ATRX: variants seen among roughly 807,000 people sequenced by gnomAD.
ATRX encodes the protein chromatin remodeler ATRX.
ATRX carries 12 observed loss-of-function variants against 172.6 expected under a neutral mutation model. The ratio of observed to expected loss-of-function variants is 0.07; its 90% CI spans 0.04 to 0.11. The LOEUF (loss-of-function observed/expected upper bound fraction) is 0.11. Among genes scored for constraint, ATRX ranks in the 10% least tolerant of loss-of-function variants. The probability of loss-of-function intolerance (pLI) is 1.00; values close to 1 mark genes in which losing one functional copy is unlikely to be tolerated. For synonymous variants in ATRX, 674 were observed against 594.7 expected (o/e 1.13, Z -1.94); for missense variants, 1,368 against 1,767.4 (o/e 0.77, Z 4.05).
chrX:77,701,564 T>G (rs5958900), intron 2 of ATRX, among the ~76,000 whole-genome samples: 5,104 of 110,425 alleles, frequency 0.046, 309 homozygotes, highest in African/African-American at 0.16. Context: ...AAGGAAATTT[T>G]AAAATCTACA....
chrX:77,507,367 A>G lies in ATRX; in HGVS notation c.*984T>C. 5.7e-6 allele frequency: 1 copy of G among 174,279 alleles called. No individual in the cohort carries two copies. Among genetic ancestry groups the G allele is most frequent in the East Asian group, 8.2e-5 (1 of 12,189 alleles). The allele number at this position is 174,279 out of a possible 1,213,427, so 14.4% of individuals were successfully genotyped here. ...ACATTCCTCATGTGAACCTAAAGTC[A>G]GCAATGGTTCTGCCATTTTGATGTT... On this transcript the variant is annotated 3_prime_UTR_variant, in exon 35 of 35. Transcript: ENST00000373344.
At chrX:77,680,719 T>A (rs1032445767) in intron 9 of ATRX, among the ~76,000 whole-genome samples, 3 of 111,053 alleles carry the variant, frequency 2.7e-5, no homozygotes, top group Non-Finnish European at 3.8e-5. Context: ...ATTCTGAGTA[T>A]CCATAGAACT....
Position 77,684,410 on chromosome X carries a change from G to A in ATRX, c.846C>T (p.Ser282=), listed in dbSNP as rs148015780. Residue 282 remains serine, a synonymous_variant, in exon 9 of 35, where the codon AGC becomes AGT. Transcript: ENST00000373344. ...ACAACTGTTCTAAATTCTCAAATAC[G>A]CTGTTACATGCAGTGACCAAGTCCA... The part of the protein sequence containing the change: ...PLLDLVTACN[S]VFENLEQLLQ... The A allele has an allele frequency of 1.4e-3, 1,673 of 1,209,247 alleles. 4 individuals carry two copies. Among genetic ancestry groups the A allele is most frequent in the Non-Finnish European group, 1.7e-3 (1,529 of 894,437 alleles).
At chrX:77,639,155 T>C (rs1277216431) in intron 15 of ATRX, among the ~76,000 whole-genome samples, 2 of 112,265 alleles carry the variant, frequency 1.8e-5, no homozygotes, top group Admixed American at 1.9e-4. Flanking sequence ...CTTCTGAGTA[T>C]GGTTGAGACC....
chrX:77,553,403 T>C (rs944154643), intron 30 of ATRX, among the ~76,000 whole-genome samples: 4 of 111,758 alleles, frequency 3.6e-5, no homozygotes, highest in Admixed American at 2.9e-4. Context: ...TCCTCCACAC[T>C]GATACATAAA....
chrX:77,683,286 G>A lies in ATRX; in HGVS notation c.1970C>T (p.Pro657Leu). 1 of 1,209,431 alleles carries A rather than the reference G, an allele frequency of 8.3e-7. No homozygotes were observed. Among genetic ancestry groups the A allele is most frequent in the South Asian group, 1.8e-5 (1 of 56,918 alleles). Residue 657 changes from proline (P) to leucine (L), a missense_variant, in exon 9 of 35, where the codon CCA becomes CTA. This residue lies in a region of ATRX where 843 missense variants were observed against 643.1 expected (regional missense o/e 1.31). Transcript: ENST00000373344. The stretch of plus-strand genomic sequence containing the variant: ...CCTCAAGGGTGTAGTCTTTACACGT[G>A]GGGATCTTCGAAGATCAGATTCCTC... The part of the protein sequence containing the change: ...LLEESDLRRS[P>L]RVKTTPLRRP...
At chrX:77,763,050 C>A (rs1490486711) in intron 1 of ATRX, among the ~76,000 whole-genome samples, 1 of 111,028 alleles carries the variant, frequency 9.0e-6, no homozygotes, top group African/African-American at 3.3e-5. Context: ...AAGTGTTAAC[C>A]AAATTCAACT....
chrX:77,643,939 A>G (rs1354788865), intron 15 of ATRX, among the ~76,000 whole-genome samples: 4 of 110,389 alleles, frequency 3.6e-5, no homozygotes, highest in African/African-American at 1.3e-4. Flanking sequence ...TAAAAAAAAA[A>G]AGCCTTCTTT....
At chrX:77,623,892 G>T (rs1369197783) in intron 19 of ATRX, among the ~76,000 whole-genome samples, 1 of 111,521 alleles carries the variant, frequency 9.0e-6, no homozygotes, top group Non-Finnish European at 1.9e-5. Flanking sequence ...CGACATACAA[G>T]GGACATATCT....
intron 12 of ATRX, among the ~76,000 whole-genome samples, chrX:77,659,482 TACACA>T (rs1305991420): frequency 4.5e-5 from 4 of 88,467 alleles, no homozygotes; most frequent in African/African-American, 1.2e-4. Context: ...TTTCTCTCTC[TACACA>T]CACACACACA....
intron 30 of ATRX, among the ~76,000 whole-genome samples, chrX:77,524,270 C>T (rs1299569413): frequency 2.7e-5 from 3 of 111,812 alleles, no homozygotes; most frequent in African/African-American, 9.7e-5. Flanking sequence ...CTATAAAAGG[C>T]AAATTAATTC....
chrX:77,518,987 T>C (rs781982981), intron 34 of ATRX, among the ~76,000 whole-genome samples: 1 of 112,075 alleles, frequency 8.9e-6, no homozygotes, highest in South Asian at 3.7e-4. Context: ...TCTTGCCATA[T>C]ACAACATTCA....
chrX:77,579,003 C>T (rs1249888016), intron 27 of ATRX, among the ~76,000 whole-genome samples: 6 of 111,709 alleles, frequency 5.4e-5, no homozygotes, highest in African/African-American at 2.0e-4. Flanking sequence ...GGTACACTGG[C>T]AGTACTCTCT....
chrX:77,638,756 G>A (rs1224822035), intron 15 of ATRX, among the ~76,000 whole-genome samples: 3 of 112,278 alleles, frequency 2.7e-5, no homozygotes, highest in African/African-American at 3.2e-5. Flanking sequence ...TACAAACCAA[G>A]ATTAACGCTG....
At chrX:77,600,253 CAATAA>C (rs781920449) in intron 23 of ATRX, among the ~76,000 whole-genome samples, 176 bp downstream of exon 23, 3 of 111,154 alleles carry the variant, frequency 2.7e-5, no homozygotes, top group South Asian at 3.8e-4. Context: ...AAAATGGGCT[CAATAA>C]AATAACATTT....
rs1557096973 is a variant in ATRX, at chrX:77,616,620, G to A, written c.5559C>T (p.His1853=). The change falls in exon 22 of 35, where the codon CAC becomes CAT. Residue 1853 remains histidine, a synonymous_variant. Coordinates refer to ENST00000373344, the MANE Select transcript of ATRX (RefSeq NM_000489.6). ...ACAAGGTGTATTGTTTACCTGTTAA[G>A]TGATCTAAGTAGTACTGATAGAGCT... ...QCKLYQYYLD[H]LTGVGNNSEG... 6 of 1,179,553 alleles carry A rather than the reference G, an allele frequency of 5.1e-6. No homozygotes were observed. The Middle Eastern group carries it at 7.0e-4, about 138-fold the overall frequency.
chrX:77,567,172 G>T (rs1301894745), intron 28 of ATRX, among the ~76,000 whole-genome samples: 2 of 110,904 alleles, frequency 1.8e-5, no homozygotes, highest in African/African-American at 6.5e-5. Context: ...TAACCCACAG[G>T]AAGGGAGGAA....
chrX:77,775,384 C>CA (rs782571326), intron 1 of ATRX, among the ~76,000 whole-genome samples: 1 of 111,305 alleles, frequency 9.0e-6, no homozygotes, highest in African/African-American at 3.3e-5. Context: ...GTTACAGTTA[C>CA]AAAAAAACAA....
In ATRX at chrX:77,670,205, T is replaced by A. The variant is rs782441816; in HGVS notation, c.3810-5427A>T. ...GCATCCATAAACAAGGTGATAAAAT[T>A]TGCTTAAAAATTGGTTTTTGTGTAC... is the stretch of plus-strand genomic sequence containing the variant. On this transcript the variant is annotated intron_variant, in intron 10 of 34. Transcript: ENST00000373344. Among the ~76,000 whole-genome samples the A allele has an allele frequency of 2.7e-5, 3 of 111,695 alleles. No individual in the cohort carries two copies. In the Admixed American group the frequency reaches 2.9e-4, roughly 11 times the overall value.
Sources: allele counts gnomAD v4.1 joint callset (sites outside exome capture counted in the v4.1 genomes callset), GRCh38; gene constraint gnomAD v4.1.1; regional missense constraint gnomAD v4.1.1; transcripts MANE v1.5; gene names NCBI Gene and HGNC (gene_info 2026-07-23, HGNC 2026-07-21).